PLEC: variants seen among roughly 807,000 people sequenced by gnomAD.
The protein encoded by PLEC is hemidesmosomal protein 1.
PLEC carries 216 observed loss-of-function variants against 392.8 expected under a neutral mutation model. That is an observed-to-expected ratio of 0.55 (90% CI 0.49 to 0.62). The LOEUF (loss-of-function observed/expected upper bound fraction) is 0.62. Among genes scored for constraint, PLEC ranks in the 20% least tolerant of loss-of-function variants. The pLI, the probability that PLEC is intolerant of heterozygous loss-of-function variation, is 0.00. For missense variants in PLEC, 6,863 were observed against 6,563.4 expected (o/e 1.05, Z -1.58); for synonymous variants, 3,621 against 2,980.6 (o/e 1.21, Z -7.00).
Position 143,917,463 on chromosome 8 carries a change from G to A in PLEC, c.12358C>T (p.Pro4120Ser). The stretch of plus-strand genomic sequence containing the variant: ...CGCTCCCGCTTCTTCTCCTTCAGCG[G>A]CAAGAGACACAGGCCCGTCTGGGGG... ...TDPQTGLCLL[P>S]LKEKKRERKT... Residue 4120 changes from proline (P) to serine (S), a missense_variant, in exon 32 of 32, where the codon CCG becomes TCG. Physicochemically the swap from Pro to Ser is moderately conservative, Grantham distance 74 (BLOSUM62 -1). Coordinates refer to ENST00000345136, the MANE Select transcript of PLEC (RefSeq NM_201384.3). The A allele has an allele frequency of 1.2e-6, 2 of 1,613,700 alleles. No individual in the cohort carries two copies. The highest frequency in any genetic ancestry group is 1.7e-6 in the Non-Finnish European group (2 of 1,180,006).
chr8:143,918,688 C>T lies in PLEC; in HGVS notation c.11133G>A (p.Lys3711=), dbSNP rs782560671. 4.3e-6 allele frequency: 7 copies of T among 1,612,948 alleles called. No individual in the cohort carries two copies. Among genetic ancestry groups the T allele is most frequent in the East Asian group, 2.2e-5 (1 of 44,850 alleles). ...RQTLSIYQAL[K]KGLLSAEVAR... The stretch of plus-strand genomic sequence containing the variant: ...CCACCTCGGCACTCAGCAGCCCTTT[C>T]TTGAGAGCCTGGTAGATGCTCAGTG... Residue 3711 remains lysine, a synonymous_variant, in exon 32 of 32, where the codon AAG becomes AAA. Transcript: ENST00000345136.
chr8:143,919,211 C>G lies in PLEC; in HGVS notation c.10610G>C (p.Gly3537Ala), dbSNP rs1554677466. ...LERCVEDPET[G>A]LRLLPLKGAE... ...CCCTTTCAGTGGCAGAAGGCGCAAG[C>G]CCGTCTCGGGGTCCTCCACGCACCG... The change falls in exon 32 of 32, where the codon GGC becomes GCC. Residue 3537 changes from glycine (G) to alanine (A), a missense_variant. Coordinates refer to ENST00000345136, the MANE Select transcript of PLEC (RefSeq NM_201384.3). 6.2e-7 allele frequency: 1 copy of G among 1,613,822 alleles called. No homozygotes were observed. Among genetic ancestry groups the G allele is most frequent in the Non-Finnish European group, 8.5e-7 (1 of 1,180,032 alleles).
At chr8:143,953,737 C>T (rs782549088), upstream of PLEC, 8 of 1,612,144 alleles carry the variant, frequency 5.0e-6, no homozygotes, top group East Asian at 2.2e-5. Flanking sequence ...TTTGAGGGAG[C>T]TGATCTCGTT....
rs377752228 is a variant in PLEC at position 143,921,997 on chromosome 8, C to A, written c.7824G>T (p.Ala2608=). 6.3e-7 allele frequency: 1 copy of A among 1,598,270 alleles called. No homozygotes were observed. Among genetic ancestry groups the A allele is most frequent in the African/African-American group, 1.3e-5 (1 of 74,934 alleles). ...CAGTGACCTCCTCTGAGTGCGCCAG[C>A]GCGGCCCGGTGCTGCTCCTCCAGGA... ...LQLLEEQHRA[A]LAHSEEVTAS... is the part of the protein sequence containing the mutation. The change falls in exon 32 of 32, where the codon GCG becomes GCT. Residue 2608 remains alanine, a synonymous_variant. Coordinates refer to ENST00000345136, the MANE Select transcript of PLEC (RefSeq NM_201384.3).
Position 143,973,389 on chromosome 8 carries a change from ACGGGGGGCCGTACCTTTGTACTT to A in PLEC, c.61_70+13del. The A allele has an allele frequency of 6.4e-7, 1 of 1,559,276 alleles. No homozygotes were observed. The highest frequency in any genetic ancestry group is 8.7e-7 in the Non-Finnish European group (1 of 1,152,876). On this transcript the variant is annotated splice_donor_variant and splice_donor_5th_base_variant and coding_sequence_variant and intron_variant, in exon 1 of 32. Transcript: ENST00000356346. LOFTEE classifies it high-confidence loss of function. This position sits in a 1 kb window ranked among gnomAD's most constrained non-coding sequence, Gnocchi z 5.6. ...CAGGAGCGGCCCGACAGGCAGCGGG[ACGGGGGGCCGTACCTTTGTACTT>A]CTCGCGCACCTCCTCGTAGGCCTGG...
rs1554722108 is a variant in PLEC at position 143,935,223 on chromosome 8, T to C, written c.693A>G (p.Gly231=). The change falls in exon 7 of 32, where the codon GGA becomes GGG. Residue 231 remains glycine (G), a synonymous_variant. Coordinates refer to ENST00000345136, the MANE Select transcript of PLEC (RefSeq NM_201384.3). The stretch of plus-strand genomic sequence containing the variant: ...CCTCAGGGTCCAGGAGCCGCGTCAC[T>C]CCCAGGTCCCGCTCCGCCACAGAGA... ...QAFSVAERDL[G]VTRLLDPEDV... is the part of the protein sequence containing the mutation. 6.2e-7 allele frequency: 1 copy of C among 1,612,346 alleles called. No individual in the cohort carries two copies. Among genetic ancestry groups the C allele is most frequent in the Admixed American group, 1.7e-5 (1 of 59,998 alleles).
chr8:143,925,729 C>T lies in PLEC; in HGVS notation c.4200G>A (p.Glu1400=), dbSNP rs1450088072. 1 of 1,595,702 alleles carries T rather than the reference C, an allele frequency of 6.3e-7. No individual in the cohort carries two copies. Among genetic ancestry groups the T allele is most frequent in the African/African-American group, 1.3e-5 (1 of 74,842 alleles). ...AKELQQRMQE[E]VVRREEAAVD... is the part of the protein sequence containing the mutation. The stretch of plus-strand genomic sequence containing the variant: ...CCGCCGCCTCCTCCCGCCGCACCAC[C>T]TCCTCCTGCATGCGCTGCTGCAGCT... Residue 1400 remains glutamate (E), a synonymous_variant, in exon 31 of 32, where the codon GAG becomes GAA. Transcript: ENST00000345136.
chr8:143,940,539 G>C (rs1347329266), upstream of PLEC, among the ~76,000 whole-genome samples: 2 of 152,196 alleles, frequency 1.3e-5, no homozygotes, highest in Non-Finnish European at 2.9e-5. Context: ...GCTGGCTGGG[G>C]CCTCCGGCTC....
upstream of PLEC, among the ~76,000 whole-genome samples, chr8:143,975,952 C>A (rs761495691): frequency 8.5e-5 from 13 of 152,190 alleles, no homozygotes; most frequent in African/African-American, 1.9e-4. The surrounding 1 kb of genome is among the most constrained non-coding windows in gnomAD (Gnocchi z 9.9). Context: ...CCTCCACTCA[C>A]CGGGTCATCA....
At chr8:143,931,865 C>G in intron 18 of PLEC, 72 bp downstream of exon 18, 1 of 1,455,324 alleles carries the variant, frequency 6.9e-7, no homozygotes, top group South Asian at 1.2e-5. Context: ...CTGATTGGAG[C>G]TGCCGAGGGG....
Position 143,920,941 on chromosome 8 carries a change from G to A in PLEC, c.8880C>T (p.Ile2960=), listed in dbSNP as rs1586830107. 3.1e-6 allele frequency: 5 copies of A among 1,612,862 alleles called. No individual in the cohort carries two copies. In the African/African-American group the frequency reaches 4.0e-5, roughly 13 times the overall value. ...ITVEKIIKII[I]TVVEEQEQKG... ...TCTGCTCCTGCTCCTCCACCACCGT[G>A]ATGATGATCTTGATGATCTTCTCCA... The change falls in exon 32 of 32, where the codon ATC becomes ATT. Residue 2960 remains isoleucine, a synonymous_variant. Transcript: ENST00000345136.
intron 30 of PLEC, 116 bp from the exon 31 acceptor site, chr8:143,926,000 G>T: frequency 2.5e-6 from 3 of 1,184,216 alleles, no homozygotes; most frequent in Non-Finnish European, 3.6e-6. Context: ...GGTCGGGGAA[G>T]ACAGAGGCCC....
chr8:143,927,451 C>G lies in PLEC; in HGVS notation c.3715G>C (p.Ala1239Pro), dbSNP rs782399424. 6.3e-7 allele frequency: 1 copy of G among 1,598,866 alleles called. No individual in the cohort carries two copies. The highest frequency in any genetic ancestry group is 1.1e-5 in the South Asian group (1 of 90,908). ...TGCTCCCGCACAGCCTGGCTGTCGG[C>G]CAGCGGCATGGCCTGGATCTGCTCC... ...RQEQIQAMPL[A>P]DSQAVREQLR... is the part of the protein sequence containing the mutation. Residue 1239 changes from alanine to proline, a missense_variant, in exon 27 of 32, where the codon GCC (alanine) becomes CCC (proline). Physicochemically the swap from Ala to Pro is conservative, Grantham distance 27. Coordinates refer to ENST00000345136, the MANE Select transcript of PLEC (RefSeq NM_201384.3).
chr8:143,924,299 C>T lies in PLEC; in HGVS notation c.5630G>A (p.Arg1877Gln), dbSNP rs932283077. ...RRLAEDEAFQ[R>Q]RRLEEQAAQH... ...CGCGGCCTGCTCCTCCAGCCGCCGC[C>T]GCTGGAAGGCCTCGTCCTCCGCCAG... Residue 1877 changes from arginine (R) to glutamine (Q), a missense_variant, in exon 31 of 32, where the codon CGG becomes CAG. Arg to Gln is a conservative substitution (Grantham distance 43). Transcript: ENST00000345136. 2.6e-5 allele frequency: 42 copies of T among 1,594,948 alleles called. No individual in the cohort carries two copies. The highest frequency in any genetic ancestry group is 4.4e-5 in the South Asian group (4 of 90,726).
At chr8:143,953,198 C>A (rs1385363265), upstream of PLEC, among the ~76,000 whole-genome samples, 6 of 151,048 alleles carry the variant, frequency 4.0e-5, no homozygotes, top group African/African-American at 1.5e-4. Context: ...TCCCCCCACT[C>A]CAGACCCCTT....
At chr8:143,942,211 G>GT (rs1318305022), upstream of PLEC, among the ~76,000 whole-genome samples, 1 of 151,952 alleles carries the variant, frequency 6.6e-6, no homozygotes, top group Admixed American at 6.5e-5. Flanking sequence ...ACAAATGGGG[G>GT]TAGGGGAACA....
upstream of PLEC, among the ~76,000 whole-genome samples, chr8:143,956,108 G>C (rs782737975): frequency 4.6e-5 from 7 of 151,928 alleles, no homozygotes; most frequent in Non-Finnish European, 5.9e-5. Context: ...CCACCGCACC[G>C]GGCTAATTTT....
intron 1 of PLEC, chr8:143,945,326 C>A: frequency 2.6e-6 from 1 of 388,262 alleles, no homozygotes; most frequent in South Asian, 1.9e-5. Flanking sequence ...TGGGCCACGG[C>A]AGGAGACTGG....
At chr8:143,962,877 A>T (rs1432993926) in intron 1 of PLEC, among the ~76,000 whole-genome samples, 2 of 152,250 alleles carry the variant, frequency 1.3e-5, no homozygotes, top group African/African-American at 4.8e-5. Flanking sequence ...ACTATTAAGC[A>T]AAAAGGAAAC....
Sources: gnomAD v4.1 joint callset for allele counts (sites outside exome capture counted in the v4.1 genomes callset) on GRCh38, gnomAD v4.1.1 for gene constraint, Gnocchi (gnomAD v3.1) non-coding constraint, MANE v1.5 for transcripts, NCBI Gene and HGNC (gene_info 2026-07-23, HGNC 2026-07-21) for gene names.